The following TMEM150C variants were observed in gnomAD, a reference collection of about 807,000 sequenced individuals.
TMEM150C encodes the protein transmembrane protein 150C.
Under a neutral mutation model 29.9 loss-of-function variants are expected in TMEM150C, and 10 were observed. The observed-to-expected ratio is 0.33, with a 90% confidence interval of 0.21 to 0.57. The LOEUF is 0.57. Ranked by LOEUF, TMEM150C falls within the 20% of genes least tolerant of loss-of-function variation. TMEM150C has a pLI of 0.88. For missense variants in TMEM150C, 251 were observed against 303.6 expected, an observed-to-expected ratio of 0.83 and a Z score of 1.29; for synonymous variants, 101 against 112.5, an observed-to-expected ratio of 0.90 and a Z score of 0.64.
intron 1 of TMEM150C, among the ~76,000 whole-genome samples, chr4:82,544,278 T>C (rs974923460): frequency 7.2e-5 from 11 of 152,200 alleles, no homozygotes; most frequent in African/African-American, 2.7e-4. Context: ...AGGGTGATAA[T>C]AGAGGCCTCC....
intron 1 of TMEM150C, among the ~76,000 whole-genome samples, chr4:82,510,257 C>T (rs951689095): frequency 1.1e-4 from 17 of 151,748 alleles, no homozygotes; most frequent in African/African-American, 2.4e-4. Flanking sequence ...TCAGTCTAGG[C>T]GACAGAGCAA....
intron 1 of TMEM150C, among the ~76,000 whole-genome samples, chr4:82,558,214 G>A (rs1382811431): frequency 6.6e-6 from 1 of 152,086 alleles, no homozygotes; most frequent in Non-Finnish European, 1.5e-5. Context: ...CTAGCCTCAT[G>A]TGGCTATTTA....
intron 1 of TMEM150C, among the ~76,000 whole-genome samples, chr4:82,551,157 T>C (rs998655403): frequency 6.6e-6 from 1 of 152,026 alleles, no homozygotes; most frequent in African/African-American, 2.4e-5. Flanking sequence ...GAATGAAGAG[T>C]TGGGATGACA....
At chr4:82,505,077 T>C (rs1461298979) in intron 1 of TMEM150C, among the ~76,000 whole-genome samples, 2 of 152,204 alleles carry the variant, frequency 1.3e-5, no homozygotes, top group African/African-American at 4.8e-5. Flanking sequence ...AAAGTGTATT[T>C]TATGAAACCA....
intron 7 of TMEM150C, 127 bp downstream of exon 7, chr4:82,489,934 G>A (rs965701738): frequency 2.9e-5 from 27 of 938,938 alleles, no homozygotes; most frequent in Non-Finnish European, 4.3e-5. Context: ...TTTTATACCT[G>A]TTTACCTTTG....
At chr4:82,546,321 C>T (rs1052883466) in intron 1 of TMEM150C, among the ~76,000 whole-genome samples, 1 of 152,170 alleles carries the variant, frequency 6.6e-6, no homozygotes, top group Non-Finnish European at 1.5e-5. Context: ...TATCACATTA[C>T]CCAACTTCAG....
Position 82,504,624 on chromosome 4 carries a change from G to C in TMEM150C, c.34C>G (p.Leu12Val). ...GTAAACAAAGTAAATACAAGAGGTA[G>C]GAACATCCATACGCTGCATTTCTTC... The part of the protein sequence containing the change: ...DGKKCSVWMF[L>V]PLVFTLFTSA... Residue 12 changes from leucine to valine, a missense_variant, in exon 2 of 8, where the codon CTA becomes GTA. Physicochemically the swap from Leu to Val is conservative, Grantham distance 32 (BLOSUM62 1). Coordinates refer to ENST00000449862, the MANE Select transcript of TMEM150C (RefSeq NM_001080506.3). The C allele has an allele frequency of 6.2e-7, 1 of 1,613,752 alleles. No homozygotes were observed. Among genetic ancestry groups the C allele is most frequent in the Non-Finnish European group, 8.5e-7 (1 of 1,179,748 alleles).
intron 1 of TMEM150C, among the ~76,000 whole-genome samples, chr4:82,534,754 T>C (rs1724955558): frequency 1.3e-5 from 2 of 152,192 alleles, no homozygotes; most frequent in Admixed American, 1.3e-4. Flanking sequence ...GTAATACACA[T>C]TAAAATTTAG....
At chr4:82,556,998 C>T (rs77953355) in intron 1 of TMEM150C, among the ~76,000 whole-genome samples, 10,102 of 152,160 alleles carry the variant, frequency 0.066, 475 homozygotes, top group South Asian at 0.16. Flanking sequence ...ACCCCCAGGA[C>T]CCTGAGCTCT....
chr4:82,550,666 G>A (rs1202423243), intron 1 of TMEM150C, among the ~76,000 whole-genome samples: 1 of 152,098 alleles, frequency 6.6e-6, no homozygotes, highest in Non-Finnish European at 1.5e-5. Flanking sequence ...GCGGGCACCG[G>A]TAGTCCCAGC....
At chr4:82,511,470 C>CTTTTTT (rs1484556334) in intron 1 of TMEM150C, among the ~76,000 whole-genome samples, 2 of 72,626 alleles carry the variant, frequency 2.8e-5, no homozygotes, top group African/African-American at 8.9e-5. Context: ...TGTCCCAACA[C>CTTTTTT]TATTTTTTTT....
At chr4:82,495,211 G>A (rs1723505376) in intron 6 of TMEM150C, 1 of 320,374 alleles carries the variant, frequency 3.1e-6, no homozygotes, top group Non-Finnish European at 5.9e-6. Context: ...GGGAGGCCGA[G>A]GCGGGCAGAT....
At chr4:82,511,859 G>T (rs1254032602) in intron 1 of TMEM150C, among the ~76,000 whole-genome samples, 1 of 152,184 alleles carries the variant, frequency 6.6e-6, no homozygotes, top group Non-Finnish European at 1.5e-5. Context: ...TCTATGCCAA[G>T]ATCCTCTTCA....
At chr4:82,486,773 C>T (rs772551276) in intron 7 of TMEM150C, among the ~76,000 whole-genome samples, 39 of 151,930 alleles carry the variant, frequency 2.6e-4, no homozygotes, top group Admixed American at 4.6e-4. Flanking sequence ...AAATGAGACT[C>T]TTATGCCTGG....
intron 1 of TMEM150C, among the ~76,000 whole-genome samples, chr4:82,545,077 G>T (rs956958358): frequency 1.3e-5 from 2 of 151,974 alleles, no homozygotes; most frequent in Non-Finnish European, 2.9e-5. Context: ...AACAAAATCT[G>T]GTAAAGATGT....
chr4:82,536,183 CCCCATCTCTACTAAAAA>C (rs1447936307), intron 1 of TMEM150C, among the ~76,000 whole-genome samples: 1 of 151,846 alleles, frequency 6.6e-6, no homozygotes, highest in African/African-American at 2.4e-5. Context: ...CATGGTGATA[CCCCATCTCTACTAAAAA>C]CACAAAAATA....
intron 1 of TMEM150C, among the ~76,000 whole-genome samples, chr4:82,519,673 C>A (rs988799390): frequency 2.0e-5 from 3 of 152,078 alleles, no homozygotes; most frequent in African/African-American, 7.2e-5. Context: ...GTGATCCACC[C>A]GCCTCGGCCT....
chr4:82,483,880 C>T lies in TMEM150C; in HGVS notation c.*1631G>A, dbSNP rs1450176810. The T allele has an allele frequency of 1.3e-5, 2 of 151,286 alleles. No homozygotes were observed. The highest frequency in any genetic ancestry group is 2.4e-5 in the African/African-American group (1 of 41,064). 9.4% of individuals were successfully genotyped at this position (151,286 alleles called of 1,614,324 possible). ...GATCTCGTCTCACCGCAACCTGCCT[C>T]CCGGGTTCAAGTGATTCTCCTGCCT... On this transcript the variant is annotated 3_prime_UTR_variant, in exon 8 of 8. Transcript: ENST00000449862.
intron 1 of TMEM150C, among the ~76,000 whole-genome samples, chr4:82,547,502 T>C (rs1239032941): frequency 1.3e-5 from 2 of 151,684 alleles, no homozygotes; most frequent in East Asian, 3.9e-4. Context: ...GGCAGGAGAA[T>C]AGCTTGAACC....
Sources: allele counts gnomAD v4.1 joint callset (sites outside exome capture counted in the v4.1 genomes callset), GRCh38; gene constraint gnomAD v4.1.1; transcripts MANE v1.5; gene names NCBI Gene and HGNC (gene_info 2026-07-23, HGNC 2026-07-21).